The following ROBO1 variants were observed in gnomAD, a reference collection of about 807,000 sequenced individuals.
ROBO1 encodes roundabout homolog 1.
In ROBO1, 149 loss-of-function variants were observed where a neutral mutation model predicts 195.9. The ratio of observed to expected loss-of-function variants is 0.76; its 90% confidence interval spans 0.67 to 0.87. The LOEUF (loss-of-function observed/expected upper bound fraction) is 0.87, where lower values mean the gene tolerates loss of function less well. Ranked by LOEUF, ROBO1 falls within the 40% of genes least tolerant of loss-of-function variation. ROBO1 has a pLI of 0.00. For synonymous variants in ROBO1, 816 were observed against 733.2 expected, an observed-to-expected ratio of 1.11 and a Z score of -1.82; for missense variants, 1,933 against 2,068.3, an observed-to-expected ratio of 0.93 and a Z score of 1.27.
chr3:79,142,164 G>A (rs2080541392), intron 2 of ROBO1, among the ~76,000 whole-genome samples: 1 of 152,048 alleles, frequency 6.6e-6, no homozygotes, highest in South Asian at 2.1e-4. Context: ...CAGAAGGAGT[G>A]AGGATTATGA....
At chr3:79,270,317 T>G in intron 2 of ROBO1, among the ~76,000 whole-genome samples, 1 of 151,704 alleles carries the variant, frequency 6.6e-6, no homozygotes, top group Non-Finnish European at 1.5e-5. Flanking sequence ...TTTTAACATA[T>G]TAAATTATGG....
chr3:78,750,181 C>T (rs932293803), intron 4 of ROBO1, among the ~76,000 whole-genome samples: 35 of 151,984 alleles, frequency 2.3e-4, no homozygotes, highest in Admixed American at 2.0e-3. Context: ...CTGGGCCGGG[C>T]GCAGTGGCTC....
At chr3:78,634,743 G>C (rs141602099) in intron 23 of ROBO1, among the ~76,000 whole-genome samples, 1 of 152,066 alleles carries the variant, frequency 6.6e-6, no homozygotes, top group Admixed American at 6.6e-5. Context: ...CAGGAGTCTC[G>C]ATCCATATTT....
At chr3:79,487,267 G>T (rs1051742452) in intron 2 of ROBO1, among the ~76,000 whole-genome samples, 13 of 140,616 alleles carry the variant, frequency 9.2e-5, no homozygotes, top group African/African-American at 3.2e-4. Flanking sequence ...AATCAGATGG[G>T]GTAGAGTGAA....
At chr3:79,314,550 G>A (rs2033645705) in intron 2 of ROBO1, among the ~76,000 whole-genome samples, 1 of 152,202 alleles carries the variant, frequency 6.6e-6, no homozygotes, top group African/African-American at 2.4e-5. Context: ...GCTCAACTGT[G>A]AGTCAATTAA....
At chr3:79,119,211 A>C (rs2108555923) in intron 3 of ROBO1, among the ~76,000 whole-genome samples, 1 of 152,312 alleles carries the variant, frequency 6.6e-6, no homozygotes, top group East Asian at 1.9e-4. Context: ...AATTAAGATA[A>C]ACTGCTTTAA....
intron 3 of ROBO1, among the ~76,000 whole-genome samples, chr3:79,022,025 C>T (rs1189705595): frequency 6.6e-6 from 1 of 152,178 alleles, no homozygotes; most frequent in Non-Finnish European, 1.5e-5. Context: ...TTTTGGCCAG[C>T]CCCCTGATGA....
chr3:79,418,963 G>A (rs1320296641), intron 2 of ROBO1, among the ~76,000 whole-genome samples: 1 of 152,116 alleles, frequency 6.6e-6, no homozygotes, highest in Non-Finnish European at 1.5e-5. Context: ...ATGATGACTA[G>A]TGTTACGATC....
intron 4 of ROBO1, among the ~76,000 whole-genome samples, chr3:78,760,815 A>AT (rs993152818): frequency 4.0e-5 from 6 of 150,454 alleles, no homozygotes; most frequent in African/African-American, 1.5e-4. Flanking sequence ...CCAAATTTTT[A>AT]TTTTTTGTAG....
At chr3:79,225,182 TA>T (rs939980774) in intron 2 of ROBO1, among the ~76,000 whole-genome samples, 4 of 151,098 alleles carry the variant, frequency 2.6e-5, no homozygotes, top group South Asian at 2.1e-4. Context: ...GAAATAATAA[TA>T]AAAAAAAATC....
At chr3:79,594,369 C>T (rs1256111258) in intron 1 of ROBO1, among the ~76,000 whole-genome samples, 1 of 151,810 alleles carries the variant, frequency 6.6e-6, no homozygotes, top group Non-Finnish European at 1.5e-5. Context: ...CATAAAGTGC[C>T]TATTTTTAAA....
chr3:79,763,242 A>T (rs1335977501), intron 1 of ROBO1, among the ~76,000 whole-genome samples: 1 of 143,166 alleles, frequency 7.0e-6, no homozygotes, highest in African/African-American at 2.7e-5. Context: ...GTGACTATCG[A>T]GTGCGAAAAA....
At chr3:79,639,762 A>G (rs1284065365) in intron 1 of ROBO1, among the ~76,000 whole-genome samples, 1 of 152,172 alleles carries the variant, frequency 6.6e-6, no homozygotes, top group Non-Finnish European at 1.5e-5. Context: ...TAGAAAAGAA[A>G]AGTTCTGGGG....
rs139343228 is a variant in ROBO1 at position 78,841,789 on chromosome 3, A to T, written c.500-94889T>A. On this transcript the variant is annotated intron_variant, in intron 4 of 30. Coordinates refer to ENST00000464233, the MANE Select transcript of ROBO1 (RefSeq NM_002941.4). ...ACTCATACCAATCAATAAGAAAAAGACGAATGAGAGAAACATGGAAAAACA... is the reference window on the plus strand; with the variant it reads ...ACTCATACCAATCAATAAGAAAAAGTCGAATGAGAGAAACATGGAAAAACA... 4.9e-3 allele frequency among the ~76,000 whole-genome samples: 745 copies of T among 152,310 alleles called. 8 individuals are homozygous for T. Among genetic ancestry groups the T allele is most frequent in the African/African-American group, 0.017 (705 of 41,562 alleles).
chr3:78,676,307 C>T (rs1394275738), intron 10 of ROBO1, among the ~76,000 whole-genome samples: 11 of 152,084 alleles, frequency 7.2e-5, no homozygotes, highest in Non-Finnish European at 7.4e-5. Context: ...TCACCAGCAA[C>T]GGAACAAAGC....
chr3:79,601,034 T>C (rs75722942), intron 1 of ROBO1, among the ~76,000 whole-genome samples: 3,528 of 152,036 alleles, frequency 0.023, 138 homozygotes, highest in African/African-American at 0.079. Flanking sequence ...ATTAATATAA[T>C]GTATAAACAG....
At chr3:79,313,026 A>T (rs983518038) in intron 2 of ROBO1, among the ~76,000 whole-genome samples, 1 of 152,002 alleles carries the variant, frequency 6.6e-6, no homozygotes, top group Admixed American at 6.6e-5. Flanking sequence ...ATTCTGGTGT[A>T]TTTCCAAAAA....
intron 2 of ROBO1, among the ~76,000 whole-genome samples, chr3:79,400,238 C>A (rs1374717768): frequency 6.6e-6 from 1 of 151,942 alleles, no homozygotes; most frequent in Non-Finnish European, 1.5e-5. Context: ...CCAAGTTTTT[C>A]TATCAATTTC....
chr3:78,657,127 A>C lies in ROBO1; in HGVS notation c.2585T>G (p.Val862Gly), dbSNP rs760192411. 6.2e-7 allele frequency: 1 copy of C among 1,610,840 alleles called. No homozygotes were observed. Among genetic ancestry groups the C allele is most frequent in the Non-Finnish European group, 8.5e-7 (1 of 1,178,640 alleles). ...CTGGATGAACTGAGGCTCACTCTTT[A>C]CCCCAGACCCAGCCCCAGTGCTGGC... ...VAASTGAGSG[V>G]KSEPQFIQLD... Residue 862 changes from valine to glycine, a missense_variant, in exon 18 of 31, where the codon GTA becomes GGA. Val to Gly is a moderately radical substitution (Grantham distance 109). This residue lies in a region of ROBO1 where 1,737 missense variants were observed against 1,882.5 expected (regional missense o/e 0.92). Transcript: ENST00000464233.
Sources: gnomAD v4.1 joint callset for allele counts (sites outside exome capture counted in the v4.1 genomes callset) on GRCh38, gnomAD v4.1.1 for gene constraint, gnomAD v4.1.1 regional missense constraint, MANE v1.5 for transcripts, NCBI Gene and HGNC (gene_info 2026-07-23, HGNC 2026-07-21) for gene names.